Variants in LIMK2 observed in about 807,000 individuals in gnomAD.
LIMK2 encodes the protein LIM domain kinase 2.
LIMK2 carries 35 observed loss-of-function variants against 75.7 expected under a neutral mutation model. The observed-to-expected ratio is 0.46, with a 90% CI of 0.35 to 0.61. The LOEUF is 0.61. Among genes scored for constraint, LIMK2 ranks in the 20% least tolerant of loss-of-function variants. LIMK2 has a pLI of 0.00. For missense variants in LIMK2, 623 were observed against 831.0 expected (o/e 0.75, Z 3.08); for synonymous variants, 301 against 319.2 (o/e 0.94, Z 0.61).
chr22:31,231,419 C>G (rs1347593067), intron 2 of LIMK2, among the ~76,000 whole-genome samples: 1 of 152,158 alleles, frequency 6.6e-6, no homozygotes, highest in Non-Finnish European at 1.5e-5. Flanking sequence ...GTGGCCTTCT[C>G]CAGAAGGTGT....
chr22:31,237,046 GGTCA>G (rs1240797108), intron 2 of LIMK2, among the ~76,000 whole-genome samples: 1 of 151,624 alleles, frequency 6.6e-6, no homozygotes, highest in Non-Finnish European at 1.5e-5. Context: ...CGGATCACAA[GGTCA>G]GGAGATCGAG....
At chr22:31,272,967 C>A in intron 13 of LIMK2, 1 of 1,243,994 alleles carries the variant, frequency 8.0e-7, no homozygotes, top group Non-Finnish European at 1.0e-6. Flanking sequence ...AGAGCTCAGG[C>A]TATTGTCCCA....
intron 2 of LIMK2, among the ~76,000 whole-genome samples, chr22:31,246,177 A>G (rs956833896): frequency 8.2e-6 from 1 of 121,560 alleles, no homozygotes; most frequent in African/African-American, 3.9e-5. Context: ...CGACACACGC[A>G]CGCACGCACA....
chr22:31,249,112 G>C (rs376076675), intron 2 of LIMK2, among the ~76,000 whole-genome samples: 2 of 152,316 alleles, frequency 1.3e-5, no homozygotes, highest in East Asian at 1.9e-4. Flanking sequence ...GCTGTTTCCA[G>C]CTCTCACATG....
In LIMK2 at chr22:31,236,521, A is replaced by G. The variant is rs1466767478; in HGVS notation, c.116+10702A>G. Among the ~76,000 whole-genome samples, 7 of 148,156 alleles carry G rather than the reference A, an allele frequency of 4.7e-5. No individual in the cohort carries two copies. In the East Asian group the frequency reaches 1.4e-3, roughly 30 times the overall value. ...CTACTCAGGAGGCTGAGGCGAGAGGATTGCTTGAGCCCAGGAGGTTGAGGC... is the reference window on the plus strand; with the variant it reads ...CTACTCAGGAGGCTGAGGCGAGAGGGTTGCTTGAGCCCAGGAGGTTGAGGC... On this transcript the variant is annotated intron_variant, in intron 2 of 15. Coordinates refer to ENST00000331728, the MANE Select transcript of LIMK2 (RefSeq NM_005569.4).
intron 2 of LIMK2, among the ~76,000 whole-genome samples, chr22:31,234,341 C>CA (rs1049235510): frequency 7.9e-5 from 11 of 139,864 alleles, no homozygotes; most frequent in Non-Finnish European, 1.2e-4. Flanking sequence ...AAAAAAAAAA[C>CA]AAAAAAAAAC....
At chr22:31,250,545 T>TG (rs965945147) in intron 2 of LIMK2, among the ~76,000 whole-genome samples, 6 of 151,420 alleles carry the variant, frequency 4.0e-5, no homozygotes, top group African/African-American at 1.5e-4. Flanking sequence ...AGCTAGAGTC[T>TG]GGGGGGTACT....
chr22:31,226,599 A>ATAT (rs775194123), intron 2 of LIMK2, among the ~76,000 whole-genome samples: 1,917 of 141,490 alleles, frequency 0.014, no homozygotes, highest in Non-Finnish European at 0.018. Context: ...TATTATAGCT[A>ATAT]CATTATTATT....
chr22:31,258,562 C>CT, intron 3 of LIMK2, 136 bp downstream of exon 3: 1 of 855,332 alleles, frequency 1.2e-6, no homozygotes, highest in Non-Finnish European at 1.8e-6. Flanking sequence ...ATTCATTCAA[C>CT]TAGCAGGTAT....
At position 31,259,958 on chromosome 22, in the gene LIMK2, G is replaced by A. The variant is rs909018726; in HGVS notation, c.432G>A (p.Glu144=). 2 of 1,611,560 alleles carry A rather than the reference G, an allele frequency of 1.2e-6. No individual in the cohort carries two copies. The highest frequency in any genetic ancestry group is 1.3e-5 in the African/African-American group (1 of 74,896). ...FERLSTESVQ[E]QLPYSVTLIS... ...GACTCTCCACAGAGTCTGTTCAGGA[G>A]CAGCTGCCCTACTCTGTCACGCTCA... The change falls in exon 5 of 16, where the codon GAG becomes GAA. Residue 144 remains glutamate (E), a synonymous_variant. Transcript: ENST00000331728.
chr22:31,278,185 G>A (rs1268040546), intron 15 of LIMK2, 112 bp from the exon 16 acceptor site: 1 of 858,190 alleles, frequency 1.2e-6, no homozygotes, highest in Non-Finnish European at 1.8e-6. Flanking sequence ...CTAGGTGAAG[G>A]AGTTTGCCTG....
chr22:31,225,924 A>G (rs927102825), intron 2 of LIMK2, 105 bp downstream of exon 2: 4 of 869,180 alleles, frequency 4.6e-6, no homozygotes, highest in East Asian at 2.7e-5. Flanking sequence ...GAGAATTTCA[A>G]TCTTAGGGTG....
chr22:31,272,952 CGCTAAGA>C, intron 13 of LIMK2: 1 of 1,258,464 alleles, frequency 7.9e-7, no homozygotes, highest in Non-Finnish European at 1.0e-6. Flanking sequence ...CCTCAGGGAT[CGCTAAGA>C]GCTCAGGCTA....
intron 5 of LIMK2, among the ~76,000 whole-genome samples, chr22:31,261,403 G>T (rs1020806568): frequency 3.3e-5 from 5 of 152,114 alleles, no homozygotes; most frequent in African/African-American, 1.2e-4. Flanking sequence ...AAAATTAGCC[G>T]GGCATGGTGG....
chr22:31,219,211 G>T (rs2048413169), intron 1 of LIMK2, among the ~76,000 whole-genome samples: 1 of 152,252 alleles, frequency 6.6e-6, no homozygotes, highest in South Asian at 2.1e-4. Context: ...CTTTGTGGTG[G>T]TTAGGCAAGT....
At chr22:31,276,657 GC>G (rs1303412131) in intron 15 of LIMK2, 2 of 1,021,132 alleles carry the variant, frequency 2.0e-6, no homozygotes, top group East Asian at 1.6e-4. Context: ...ACAAGGAGGG[GC>G]CCCACGCGCG....
At chr22:31,259,841 T>C in intron 4 of LIMK2, 48 bp from the exon 5 acceptor site, 1 of 1,537,074 alleles carries the variant, frequency 6.5e-7, no homozygotes, top group Non-Finnish European at 8.8e-7. Context: ...CTGGGGGGCT[T>C]CTGTGTGGGA....
At chr22:31,226,531 G>T (rs2048480102) in intron 2 of LIMK2, among the ~76,000 whole-genome samples, 1 of 152,250 alleles carries the variant, frequency 6.6e-6, no homozygotes, top group Non-Finnish European at 1.5e-5. Flanking sequence ...GGTTGGCAGA[G>T]CCAGCTCTTC....
intron 10 of LIMK2, 27 bp from the exon 11 acceptor site, chr22:31,268,117 C>T: frequency 6.2e-7 from 1 of 1,612,480 alleles, no homozygotes; most frequent in Non-Finnish European, 8.5e-7. Flanking sequence ...GCTCAACAGC[C>T]TCTGAAAATC....
Sources: gnomAD v4.1 joint callset for allele counts (sites outside exome capture counted in the v4.1 genomes callset) on GRCh38, gnomAD v4.1.1 for gene constraint, MANE v1.5 for transcripts, NCBI Gene and HGNC (gene_info 2026-07-23, HGNC 2026-07-21) for gene names.